The following MN1 variants were observed in gnomAD, a reference collection of about 807,000 sequenced individuals.
MN1 encodes transcriptional activator MN1.
A neutral mutation model predicts 86.9 loss-of-function variants in MN1; 19 were observed. That is an observed-to-expected ratio of 0.22 (90% CI 0.15 to 0.32). The LOEUF (loss-of-function observed/expected upper bound fraction) is 0.32. MN1 is among the 10% of genes least tolerant of loss of function. The pLI, the probability that MN1 is intolerant of heterozygous loss-of-function variation, is 1.00. For synonymous variants in MN1, 928 were observed against 849.6 expected, an observed-to-expected ratio of 1.09 and a Z score of -1.60; for missense variants, 1,841 against 1,862.0, an observed-to-expected ratio of 0.99 and a Z score of 0.21.
chr22:27,765,475 G>A (rs577942480), intron 1 of MN1, among the ~76,000 whole-genome samples: 88 of 152,292 alleles, frequency 5.8e-4, no homozygotes, highest in African/African-American at 2.1e-3. Context: ...TTCTGAAGCC[G>A]AATGAGTCAG....
chr22:27,790,238 T>C (rs944955780), intron 1 of MN1, among the ~76,000 whole-genome samples: 1 of 152,248 alleles, frequency 6.6e-6, no homozygotes, highest in African/African-American at 2.4e-5. Flanking sequence ...AACTTAACTC[T>C]GCTTCTCAAT....
chr22:27,800,582 A>G lies in MN1; in HGVS notation c.-39T>C. ...CAGAGGGGGATCAATAGGGCATGAC[A>G]GCCGGCTCTCCGCGGCGCGCCTCCG... On this transcript the variant is annotated 5_prime_UTR_variant, in exon 1 of 2. Coordinates refer to ENST00000302326, the MANE Select transcript of MN1 (RefSeq NM_002430.3). The G allele has an allele frequency of 6.2e-7, 1 of 1,612,332 alleles. No individual in the cohort carries two copies. Among genetic ancestry groups the G allele is most frequent in the Non-Finnish European group, 8.5e-7 (1 of 1,179,792 alleles).
rs45628141 is a variant in MN1 at position 27,773,804 on chromosome 22, G to A, written c.3782-22708C>T. On this transcript the variant is annotated intron_variant, in intron 1 of 1. Coordinates refer to ENST00000302326, the MANE Select transcript of MN1 (RefSeq NM_002430.3). Reference sequence around the variant, plus strand: ...CCCGAATACTGAGGCACAGACACACGCCACCATGCCCAGCTAATTTTTGTA... The same window carrying A: ...CCCGAATACTGAGGCACAGACACACACCACCATGCCCAGCTAATTTTTGTA... Among the ~76,000 whole-genome samples, 1,509 of 152,220 alleles carry A rather than the reference G, an allele frequency of 9.9e-3. 28 individuals carry two copies. The highest frequency in any genetic ancestry group is 0.034 in the African/African-American group (1,411 of 41,528).
At chr22:27,753,320 C>T (rs1932781545) in intron 1 of MN1, among the ~76,000 whole-genome samples, 1 of 152,238 alleles carries the variant, frequency 6.6e-6, no homozygotes, top group South Asian at 2.1e-4. Flanking sequence ...AGCACGGTCA[C>T]TTTGAAGTCA....
chr22:27,790,655 A>G (rs1933198240), intron 1 of MN1, among the ~76,000 whole-genome samples: 1 of 140,258 alleles, frequency 7.1e-6, no homozygotes, highest in South Asian at 2.5e-4. Flanking sequence ...AATGAGAAGC[A>G]GCGTCCGCTT....
chr22:27,775,679 C>G (rs979613213), intron 1 of MN1, among the ~76,000 whole-genome samples: 2 of 152,184 alleles, frequency 1.3e-5, no homozygotes, highest in African/African-American at 2.4e-5. Context: ...CCTGTCCCAC[C>G]CCAGATGTGA....
rs1026165104 is a variant in MN1 at position 27,755,313 on chromosome 22, T to C, written c.3782-4217A>G. Among the ~76,000 whole-genome samples, 10 of 152,068 alleles carry C rather than the reference T, an allele frequency of 6.6e-5. No homozygotes were observed. In the South Asian group the frequency reaches 2.1e-3, roughly 31 times the overall value. On this transcript the variant is annotated intron_variant, in intron 1 of 1. Transcript: ENST00000302326. ...AGAGACTGGCAATACCATGTGCATG[T>C]TGGGGGGTCAGTCCCAGAGGCTGGG...
chr22:27,791,690 C>T (rs941943609), intron 1 of MN1: 3 of 152,138 alleles, frequency 2.0e-5, no homozygotes, highest in Admixed American at 2.0e-4. Context: ...TTATATAAAG[C>T]TACAGCCTTT....
chr22:27,792,681 G>A (rs1933229980), intron 1 of MN1, among the ~76,000 whole-genome samples: 3 of 152,088 alleles, frequency 2.0e-5, no homozygotes, highest in Non-Finnish European at 4.4e-5. Context: ...GGCCCTATCT[G>A]TTTACATTAT....
At chr22:27,796,283 G>A (rs985481185) in intron 1 of MN1, among the ~76,000 whole-genome samples, 3 of 152,140 alleles carry the variant, frequency 2.0e-5, no homozygotes, top group Admixed American at 6.5e-5. Context: ...GCACCTAAAA[G>A]AACTAGCGCT....
chr22:27,775,239 T>A (rs2146303782), intron 1 of MN1, among the ~76,000 whole-genome samples: 1 of 152,294 alleles, frequency 6.6e-6, no homozygotes, highest in South Asian at 2.1e-4. Flanking sequence ...CCCTCCAACC[T>A]GGCCCCCCGC....
chr22:27,797,181 A>G lies in MN1; in HGVS notation c.3363T>C (p.Gly1121=). The G allele has an allele frequency of 6.4e-7, 1 of 1,556,592 alleles. No homozygotes were observed. The highest frequency in any genetic ancestry group is 1.2e-5 in the South Asian group (1 of 86,154). The change falls in exon 1 of 2, where the codon GGT becomes GGC. Residue 1121 remains glycine, a synonymous_variant. Transcript: ENST00000302326. ...GAGTGCCCGGATGGCCCGGGCCCCCACCGCCGCCGTAGCTGTCAGGGGTCG... is the reference window on the plus strand; with the variant it reads ...GAGTGCCCGGATGGCCCGGGCCCCCGCCGCCGCCGTAGCTGTCAGGGGTCG... ...STSTPDSYGG[G]GGPGHPGTPG... is the part of the protein sequence containing the mutation.
intron 1 of MN1, among the ~76,000 whole-genome samples, chr22:27,778,649 C>T (rs750030378): frequency 1.8e-4 from 28 of 152,230 alleles, no homozygotes; most frequent in Non-Finnish European, 3.2e-4. Flanking sequence ...AGGCCCGGGG[C>T]AGTAAGGAGA....
intron 1 of MN1, among the ~76,000 whole-genome samples, chr22:27,785,481 T>G (rs1402810963): frequency 6.6e-6 from 1 of 152,198 alleles, no homozygotes; most frequent in South Asian, 2.1e-4. Flanking sequence ...TTCCAAAAAG[T>G]TTTTTTAAAG....
chr22:27,750,624 GA>G lies in MN1; in HGVS notation c.*290del. On this transcript the variant is annotated 3_prime_UTR_variant, in exon 2 of 2. Coordinates refer to ENST00000302326, the MANE Select transcript of MN1 (RefSeq NM_002430.3). Reference sequence around the variant, plus strand: ...ACCGAAACATGGGGAGTATCTAGAGGAAAAAGGCTTAAGCAAAAGTTTGCTA... The same window carrying G: ...ACCGAAACATGGGGAGTATCTAGAGGAAAAGGCTTAAGCAAAAGTTTGCTA... 2 of 296,636 alleles carry G rather than the reference GA, an allele frequency of 6.7e-6. No homozygotes were observed. The highest frequency in any genetic ancestry group is 1.2e-5 in the Non-Finnish European group (2 of 161,328). 18.4% of individuals were successfully genotyped at this position (296,636 alleles called of 1,614,324 possible).
intron 1 of MN1, among the ~76,000 whole-genome samples, chr22:27,772,251 C>A (rs1251109231): frequency 6.6e-6 from 1 of 152,206 alleles, no homozygotes; most frequent in African/African-American, 2.4e-5. Context: ...CCCTTTTTCA[C>A]CCCACTGCCT....
intron 1 of MN1, among the ~76,000 whole-genome samples, chr22:27,766,859 G>A (rs144416018): frequency 6.4e-4 from 98 of 152,188 alleles, no homozygotes; most frequent in African/African-American, 2.0e-3. Context: ...TTTGTAGTAC[G>A]CTGTCACCAA....
intron 1 of MN1, among the ~76,000 whole-genome samples, chr22:27,757,904 C>T (rs970535946): frequency 2.0e-5 from 3 of 152,100 alleles, no homozygotes; most frequent in African/African-American, 7.2e-5. Context: ...TCCCTCCTCC[C>T]CATCCCCCAC....
At chr22:27,770,728 A>C (rs759315701) in intron 1 of MN1, among the ~76,000 whole-genome samples, 4 of 143,792 alleles carry the variant, frequency 2.8e-5, no homozygotes, top group Admixed American at 6.7e-5. Context: ...GCGCAATCAC[A>C]GCTTACTCTA....
Sources: gnomAD v4.1 joint callset for allele counts (sites outside exome capture counted in the v4.1 genomes callset) on GRCh38, gnomAD v4.1.1 for gene constraint, MANE v1.5 for transcripts, NCBI Gene and HGNC (gene_info 2026-07-23, HGNC 2026-07-21) for gene names.